SDK1: variants seen among roughly 807,000 people sequenced by gnomAD.
SDK1 encodes the protein protein sidekick-1.
In SDK1, 157 loss-of-function variants were observed where a neutral mutation model predicts 245.5. That is an observed-to-expected ratio of 0.64 (90% CI 0.56 to 0.73). The LOEUF is 0.73. SDK1 is among the 30% of genes least tolerant of loss of function. SDK1 has a pLI of 0.00. For missense variants in SDK1, 3,583 were observed against 3,002.3 expected, an observed-to-expected ratio of 1.19 and a Z score of -4.52; for synonymous variants, 1,647 against 1,278.5, an observed-to-expected ratio of 1.29 and a Z score of -6.15.
At chr7:4,071,702 A>C (rs925121328) in intron 20 of SDK1, among the ~76,000 whole-genome samples, 5 of 152,216 alleles carry the variant, frequency 3.3e-5, no homozygotes, top group African/African-American at 9.6e-5. Context: ...CGGAAGAAGA[A>C]GACTTTCCAG....
At chr7:3,750,008 T>C (rs1003738013) in intron 4 of SDK1, among the ~76,000 whole-genome samples, 7 of 152,246 alleles carry the variant, frequency 4.6e-5, no homozygotes, top group African/African-American at 1.7e-4. Context: ...ACATAGGCTT[T>C]ACAGATGATG....
chr7:3,972,348 G>C (rs561131020), intron 12 of SDK1, among the ~76,000 whole-genome samples: 1 of 152,228 alleles, frequency 6.6e-6, no homozygotes. Flanking sequence ...CAAAGTGCTG[G>C]GATTCCAGGA....
Position 4,241,878 on chromosome 7 carries a change from T to A in SDK1, c.6216T>A (p.Asn2072Lys). ...AALELSSRHLNVKSTFSKKNG... is the reference protein window; with the variant it reads ...AALELSSRHLKVKSTFSKKNG... ...TGGAGCTCAGCAGCCGCCACCTCAA[T>A]GTCAAGAGCACCTTCTCCAAGAAGA... Residue 2072 changes from asparagine to lysine, a missense_variant, in exon 43 of 45, where the codon AAT becomes AAA. Transcript: ENST00000404826. The A allele has an allele frequency of 1.2e-6, 2 of 1,613,996 alleles. No individual in the cohort carries two copies. The highest frequency in any genetic ancestry group is 1.7e-6 in the Non-Finnish European group (2 of 1,180,028).
chr7:3,557,870 G>C (rs887923398), intron 1 of SDK1, among the ~76,000 whole-genome samples: 2 of 152,138 alleles, frequency 1.3e-5, no homozygotes, highest in African/African-American at 4.8e-5. Flanking sequence ...GTTATGTTGA[G>C]ACATTGCATT....
intron 1 of SDK1, among the ~76,000 whole-genome samples, chr7:3,392,950 C>T (rs1427504659): frequency 6.9e-6 from 1 of 145,448 alleles, no homozygotes. Flanking sequence ...CTGTTTGAGT[C>T]CCTGTTTTAA....
At chr7:3,450,354 A>T (rs1242275430) in intron 1 of SDK1, among the ~76,000 whole-genome samples, 1 of 152,188 alleles carries the variant, frequency 6.6e-6, no homozygotes, top group Non-Finnish European at 1.5e-5. Flanking sequence ...AAATGTGTGG[A>T]TGAGGTATTA....
intron 1 of SDK1, among the ~76,000 whole-genome samples, chr7:3,359,630 G>C (rs924483554): frequency 6.6e-6 from 1 of 152,118 alleles, no homozygotes; most frequent in Non-Finnish European, 1.5e-5. Context: ...ATCACCGCCT[G>C]GTCCCTTAGT....
At chr7:4,135,660 T>G (rs967757989) in intron 28 of SDK1, among the ~76,000 whole-genome samples, 4 of 152,222 alleles carry the variant, frequency 2.6e-5, no homozygotes, top group Admixed American at 1.3e-4. Flanking sequence ...TTTCTTAGCA[T>G]TCCCATGCCT....
intron 1 of SDK1, among the ~76,000 whole-genome samples, chr7:3,304,818 C>T (rs571270329): frequency 1.3e-5 from 2 of 152,252 alleles, no homozygotes; most frequent in African/African-American, 2.4e-5. Context: ...AACTTGGTTG[C>T]ACATTGGAAT....
intron 4 of SDK1, among the ~76,000 whole-genome samples, chr7:3,707,280 A>G (rs1784917964): frequency 6.6e-6 from 1 of 152,208 alleles, no homozygotes; most frequent in African/African-American, 2.4e-5. Context: ...AAGAATTTTT[A>G]AATTTCCATC....
chr7:3,707,708 T>C (rs1215561637), intron 4 of SDK1, among the ~76,000 whole-genome samples: 1 of 152,192 alleles, frequency 6.6e-6, no homozygotes, highest in Non-Finnish European at 1.5e-5. Flanking sequence ...TAATAGTAAA[T>C]GTTTCATGAA....
rs555129424 is a variant in SDK1, at chr7:4,120,110, A to G, written c.3823+5836A>G. ...ATAACTCTTAAAACAACATAAAGAC[A>G]TAAGATTGAAAATAGAGATTAAAAG... On this transcript the variant is annotated intron_variant, in intron 25 of 44. Coordinates refer to ENST00000404826, the MANE Select transcript of SDK1 (RefSeq NM_152744.4). Among the ~76,000 whole-genome samples the G allele has an allele frequency of 2.1e-4, 27 of 129,178 alleles. 3 individuals carry two copies. The South Asian group carries it at 6.3e-3, about 30-fold the overall frequency. 84.7% of individuals were successfully genotyped at this position (129,178 alleles called of 152,430 possible). A position where few individuals can be genotyped will look rare whatever the true frequency, so the allele number is the denominator to read the frequency against.
At chr7:3,381,544 T>C (rs1181836543) in intron 1 of SDK1, among the ~76,000 whole-genome samples, 1 of 151,932 alleles carries the variant, frequency 6.6e-6, no homozygotes, top group African/African-American at 2.4e-5. Context: ...GAAAAGCCTT[T>C]TTGTGTTGGT....
At chr7:4,110,096 C>A (rs753168689) in intron 22 of SDK1, among the ~76,000 whole-genome samples, 13 of 152,166 alleles carry the variant, frequency 8.5e-5, no homozygotes, top group Non-Finnish European at 1.6e-4. Context: ...GGGACTGGGC[C>A]TGCCGATCTG....
At chr7:3,504,551 G>A (rs2090941) in intron 1 of SDK1, among the ~76,000 whole-genome samples, 16,092 of 152,048 alleles carry the variant, frequency 0.11, 1,258 homozygotes, top group African/African-American at 0.22. Context: ...TATTAAGACG[G>A]TTAAACTGGG....
Position 4,265,366 on chromosome 7 carries a change from C to T in SDK1, c.6624C>T (p.Gly2208=), listed in dbSNP as rs1300897576. 1 of 1,446,544 alleles carries T rather than the reference C, an allele frequency of 6.9e-7. No homozygotes were observed. The highest frequency in any genetic ancestry group is 2.6e-5 in the East Asian group (1 of 38,618). The allele number at this position is 1,446,544 out of a possible 1,614,324, so 89.6% of individuals were successfully genotyped here. The change falls in exon 45 of 45, where the codon GGC becomes GGT. Residue 2208 remains glycine (G), a synonymous_variant. Transcript: ENST00000404826. ...CCGGCGCGCGAACTCCGCTCACCGG[C>T]TTCTCCTCCTTCGTGTGAGCAAAGC... is the stretch of plus-strand genomic sequence containing the variant. ...AGPGARTPLT[G]FSSFV
chr7:3,634,015 C>T (rs1328918099), intron 2 of SDK1, among the ~76,000 whole-genome samples: 1 of 152,114 alleles, frequency 6.6e-6, no homozygotes, highest in Non-Finnish European at 1.5e-5. Flanking sequence ...ATGAGTTCTC[C>T]TTTAGCCCTC....
At chr7:3,573,779 C>G (rs1780191583) in intron 1 of SDK1, among the ~76,000 whole-genome samples, 1 of 151,964 alleles carries the variant, frequency 6.6e-6, no homozygotes, top group Admixed American at 6.6e-5. Context: ...ATTTTTGACC[C>G]TTCCTTTTCT....
chr7:3,382,974 C>A (rs1050983792), intron 1 of SDK1, among the ~76,000 whole-genome samples: 8 of 152,162 alleles, frequency 5.3e-5, no homozygotes, highest in African/African-American at 1.9e-4. Flanking sequence ...TATCTTCTCA[C>A]TTTATCCCCA....
Sources: gnomAD v4.1 joint callset for allele counts (sites outside exome capture counted in the v4.1 genomes callset) on GRCh38, gnomAD v4.1.1 for gene constraint, MANE v1.5 for transcripts, NCBI Gene and HGNC (gene_info 2026-07-23, HGNC 2026-07-21) for gene names.